The following NKAIN2 variants were observed in gnomAD, a reference collection of about 807,000 sequenced individuals.
NKAIN2 encodes the protein sodium/potassium transporting ATPase interacting 2, also known as sodium/potassium-transporting ATPase subunit beta-1-interacting protein 2.
NKAIN2 carries 14 observed loss-of-function variants against 32.6 expected under a neutral mutation model. The ratio of observed to expected loss-of-function variants is 0.43; its 90% CI spans 0.28 to 0.67. NKAIN2 has a LOEUF of 0.67. Among genes scored for constraint, NKAIN2 ranks in the 30% least tolerant of loss-of-function variants. NKAIN2 has a pLI of 0.17. For synonymous variants in NKAIN2, 80 were observed against 87.2 expected, an observed-to-expected ratio of 0.92 and a Z score of 0.46; for missense variants, 198 against 258.3, an observed-to-expected ratio of 0.77 and a Z score of 1.60.
chr6:124,246,012 A>G (rs1278303121), intron 1 of NKAIN2, among the ~76,000 whole-genome samples: 4 of 152,156 alleles, frequency 2.6e-5, no homozygotes, highest in Non-Finnish European at 5.9e-5. Flanking sequence ...TATGAAATGT[A>G]GTTTCAGATG....
chr6:124,259,157 T>C (rs1794100204), intron 1 of NKAIN2, among the ~76,000 whole-genome samples: 1 of 152,200 alleles, frequency 6.6e-6, no homozygotes, highest in East Asian at 1.9e-4. Context: ...GTTGATTCTG[T>C]ACCATATGTG....
At chr6:124,490,412 G>GTTTTTTTTTTT in intron 3 of NKAIN2, 2 of 312,168 alleles carry the variant, frequency 6.4e-6, no homozygotes, top group South Asian at 2.8e-5. Context: ...AATCATAGAG[G>GTTTTTTTTTTT]TTTTTTTTTT....
chr6:124,142,974 T>G (rs1484939072), intron 1 of NKAIN2, among the ~76,000 whole-genome samples: 1 of 152,210 alleles, frequency 6.6e-6, no homozygotes, highest in Non-Finnish European at 1.5e-5. Flanking sequence ...AAAATCCACG[T>G]ACTTAACCAT....
intron 3 of NKAIN2, among the ~76,000 whole-genome samples, chr6:124,624,569 T>A (rs762534634): frequency 4.8e-4 from 73 of 152,332 alleles, no homozygotes; most frequent in Non-Finnish European, 8.2e-4. Flanking sequence ...ATATCATAGA[T>A]AAACATTTAT....
At chr6:124,594,020 G>T (rs958968943) in intron 3 of NKAIN2, among the ~76,000 whole-genome samples, 1 of 152,194 alleles carries the variant, frequency 6.6e-6, no homozygotes, top group African/African-American at 2.4e-5. Context: ...ATTTGCAGAG[G>T]CACTGACTGT....
intron 3 of NKAIN2, among the ~76,000 whole-genome samples, chr6:124,596,315 T>A (rs1782084160): frequency 6.6e-6 from 1 of 151,850 alleles, no homozygotes; most frequent in African/African-American, 2.4e-5. Context: ...GGTCCCAGAG[T>A]GTGGATAAGA....
chr6:124,708,338 T>G (rs1775217135), intron 4 of NKAIN2, among the ~76,000 whole-genome samples: 1 of 151,740 alleles, frequency 6.6e-6, no homozygotes, highest in South Asian at 2.1e-4. Context: ...CTTTTTTGGT[T>G]CCATATGAAC....
intron 4 of NKAIN2, among the ~76,000 whole-genome samples, chr6:124,738,308 T>A (rs71561822): frequency 6.6e-6 from 1 of 151,916 alleles, no homozygotes; most frequent in African/African-American, 2.4e-5. Context: ...ATAGTTCTAT[T>A]CCTTAGATAA....
At chr6:123,928,128 C>T (rs1038757) in intron 1 of NKAIN2, among the ~76,000 whole-genome samples, 2 of 152,106 alleles carry the variant, frequency 1.3e-5, no homozygotes, top group Admixed American at 1.3e-4. Flanking sequence ...AGCCATTATC[C>T]TAAGCCATTA....
At chr6:124,560,202 G>C (rs924576477) in intron 3 of NKAIN2, among the ~76,000 whole-genome samples, 2 of 152,042 alleles carry the variant, frequency 1.3e-5, no homozygotes, top group African/African-American at 4.8e-5. Context: ...TTAAATCATG[G>C]GGGCAGTTAC....
chr6:124,348,777 G>C (rs184009506), intron 2 of NKAIN2, among the ~76,000 whole-genome samples: 171 of 152,352 alleles, frequency 1.1e-3, no homozygotes, highest in African/African-American at 3.9e-3. Context: ...CCTTGCATGA[G>C]CCGAAGCAGG....
At chr6:123,975,345 T>A (rs906839263) in intron 1 of NKAIN2, among the ~76,000 whole-genome samples, 3 of 152,168 alleles carry the variant, frequency 2.0e-5, no homozygotes, top group African/African-American at 4.8e-5. Flanking sequence ...TATTTTCAGG[T>A]GGATAAGAAA....
intron 3 of NKAIN2, among the ~76,000 whole-genome samples, chr6:124,454,319 G>C (rs1776239426): frequency 6.6e-6 from 1 of 151,944 alleles, no homozygotes; most frequent in Admixed American, 6.6e-5. Flanking sequence ...AATCCTCTGA[G>C]TATAAATATG....
At chr6:124,389,715 TTG>T (rs3052704) in intron 3 of NKAIN2, among the ~76,000 whole-genome samples, 7,204 of 141,790 alleles carry the variant, frequency 0.051, 173 homozygotes, top group East Asian at 0.098. Flanking sequence ...CTGTGTACAT[TTG>T]TGTGTGTGTG....
chr6:124,638,327 A>G (rs1783849984), intron 3 of NKAIN2, among the ~76,000 whole-genome samples: 1 of 152,230 alleles, frequency 6.6e-6, no homozygotes, highest in Non-Finnish European at 1.5e-5. Context: ...AACATAGGGA[A>G]AATGTTTCAT....
At chr6:123,918,180 G>A (rs1775585097) in intron 1 of NKAIN2, among the ~76,000 whole-genome samples, 1 of 152,136 alleles carries the variant, frequency 6.6e-6, no homozygotes, top group African/African-American at 2.4e-5. Flanking sequence ...CATAGTAGAT[G>A]TATTTACATT....
chr6:124,197,759 C>G (rs572110956), intron 1 of NKAIN2, among the ~76,000 whole-genome samples: 2 of 151,702 alleles, frequency 1.3e-5, no homozygotes, highest in Non-Finnish European at 2.9e-5. Flanking sequence ...TCAATCTCCT[C>G]TCTTACTACC....
intron 2 of NKAIN2, among the ~76,000 whole-genome samples, chr6:124,346,277 G>A (rs193066143): frequency 2.6e-5 from 4 of 152,118 alleles, no homozygotes; most frequent in African/African-American, 7.2e-5. Flanking sequence ...TTTGGAATAG[G>A]TGTGGTGTGG....
At chr6:124,061,607 C>T (rs234482) in intron 1 of NKAIN2, among the ~76,000 whole-genome samples, 143,166 of 152,064 alleles carry the variant, frequency 0.94, 67,499 homozygotes, top group East Asian at 1. Context: ...CCCTCTCTAC[C>T]CTTTTGATCC....
Sources: allele counts gnomAD v4.1 joint callset (sites outside exome capture counted in the v4.1 genomes callset), GRCh38; gene constraint gnomAD v4.1.1; transcripts MANE v1.5; gene names NCBI Gene and HGNC (gene_info 2026-07-23, HGNC 2026-07-21).